The following SP140 variants were observed in gnomAD, a reference collection of about 807,000 sequenced individuals.
SP140 encodes SP140 nuclear body protein, also known as nuclear body protein SP140.
Under a neutral mutation model 125.0 loss-of-function variants are expected in SP140, and 81 were observed. The observed-to-expected ratio is 0.65, with a 90% CI of 0.54 to 0.78. SP140 has a LOEUF of 0.78. SP140 is among the 30% of genes least tolerant of loss of function. The pLI is 0.00. For synonymous variants in SP140, 312 were observed against 354.0 expected (o/e 0.88, Z 1.33); for missense variants, 858 against 1,037.0 (o/e 0.83, Z 2.37).
In SP140 at chr2:230,237,497, G is replaced by A; in HGVS notation, c.237+237G>A. On this transcript the variant is annotated intron_variant, in intron 2 of 26. Coordinates refer to ENST00000392045, the MANE Select transcript of SP140 (RefSeq NM_007237.5). This position sits in a 1 kb window ranked among gnomAD's most constrained non-coding sequence, Gnocchi z 5.4. ...GGAGAGAGAATGGGAATGCTGTATG[G>A]GTGCAGATCATCCTAGGTACTTGTA... 2 of 448,184 alleles carry A rather than the reference G, an allele frequency of 4.5e-6. No homozygotes were observed. Among genetic ancestry groups the A allele is most frequent in the Non-Finnish European group, 7.9e-6 (2 of 253,002 alleles). The allele number at this position is 448,184 out of a possible 1,614,324, so 27.8% of individuals were successfully genotyped here. A position where few individuals can be genotyped will look rare whatever the true frequency, so the allele number is the denominator to read the frequency against.
intron 7 of SP140, 80 bp downstream of exon 7, chr2:230,246,020 CCCAT>C (rs894058707): frequency 1.2e-6 from 1 of 804,112 alleles, no homozygotes; most frequent in Non-Finnish European, 2.1e-6. Flanking sequence ...TTCCCATTCC[CCCAT>C]CTATTCATGT....
chr2:230,186,986 A>G, the SP140 span, among the ~76,000 whole-genome samples: 1 of 152,212 alleles, frequency 6.6e-6, no homozygotes, highest in Admixed American at 6.5e-5. Context: ...TCTTCTTGAT[A>G]TAATGACTTA....
At chr2:230,238,167 A>G in intron 2 of SP140, 46 bp from the exon 3 acceptor site, 2 of 1,389,954 alleles carry the variant, frequency 1.4e-6, no homozygotes, top group Non-Finnish European at 2.0e-6. Flanking sequence ...GTCTTTTGTA[A>G]CCCATAAATC....
chr2:230,252,770 A>ACG (rs2050563521), intron 10 of SP140, among the ~76,000 whole-genome samples: 2 of 151,254 alleles, frequency 1.3e-5, no homozygotes, highest in African/African-American at 4.9e-5. Flanking sequence ...AAGAGTGGGC[A>ACG]CCAGTGTCCT....
At chr2:230,264,880 G>A (rs897544408) in intron 12 of SP140, among the ~76,000 whole-genome samples, 4 of 152,144 alleles carry the variant, frequency 2.6e-5, no homozygotes, top group African/African-American at 9.7e-5. Flanking sequence ...GGAGGTGAAG[G>A]GGGTGCAATG....
chr2:230,198,098 A>G, the SP140 span, among the ~76,000 whole-genome samples: 1 of 143,958 alleles, frequency 6.9e-6, no homozygotes, highest in African/African-American at 2.7e-5. Context: ...AGTTCTCTGT[A>G]GGACAATAGG....
At chr2:230,212,055 A>G (rs975893203) in intron 1 of SP140, among the ~76,000 whole-genome samples, 8 of 152,238 alleles carry the variant, frequency 5.3e-5, no homozygotes, top group Admixed American at 6.5e-5. Flanking sequence ...AAACCATATA[A>G]AAATGAAGAA....
rs149601083 is a variant in SP140, at chr2:230,287,984, A to G, written c.1720+18A>G. ...ATCAAGAGGTAAAAAAGAAAACAGGAATGAACTTTCAATAACTAAACATCT... is the reference window on the plus strand; with the variant it reads ...ATCAAGAGGTAAAAAAGAAAACAGGGATGAACTTTCAATAACTAAACATCT... On this transcript the variant is annotated intron_variant, in intron 18 of 26. Transcript: ENST00000392045. The G allele has an allele frequency of 4.9e-4, 789 of 1,597,416 alleles. 3 individuals carry two copies. The African/African-American group carries it at 9.1e-3, about 18-fold the overall frequency.
In SP140 at chr2:230,290,644, A is replaced by T. The variant is rs2057009259; in HGVS notation, c.1825+80A>T. ...AGTGGGGAATTATCATGTGAATTAC[A>T]CATCATTCAAGGAGTTTGGTCCCAG... On this transcript the variant is annotated intron_variant, in intron 19 of 26. Coordinates refer to ENST00000392045, the MANE Select transcript of SP140 (RefSeq NM_007237.5). 8 of 1,205,212 alleles carry T rather than the reference A, an allele frequency of 6.6e-6. No homozygotes were observed. In the South Asian group the frequency reaches 1.1e-4, roughly 16 times the overall value. 74.7% of individuals were successfully genotyped at this position (1,205,212 alleles called of 1,614,324 possible). A position where few individuals can be genotyped will look rare whatever the true frequency, so the allele number is the denominator to read the frequency against.
At chr2:230,193,333 C>T in the SP140 span, among the ~76,000 whole-genome samples, 3 of 152,112 alleles carry the variant, frequency 2.0e-5, no homozygotes, top group Non-Finnish European at 4.4e-5. Flanking sequence ...TTAAGTGGAG[C>T]ATTTAGGCCC....
chr2:230,260,582 G>T (rs887643011), intron 12 of SP140, among the ~76,000 whole-genome samples: 1 of 152,186 alleles, frequency 6.6e-6, no homozygotes, highest in Non-Finnish European at 1.5e-5. Flanking sequence ...TCAGGCCTTA[G>T]ATTTAAGTCC....
At chr2:230,235,394 T>C (rs1166240421) in intron 1 of SP140, among the ~76,000 whole-genome samples, 1 of 152,214 alleles carries the variant, frequency 6.6e-6, no homozygotes, top group East Asian at 1.9e-4. Flanking sequence ...TCATTGTAAC[T>C]TTAATTCCTT....
At chr2:230,270,831 C>A (rs982313455) in intron 15 of SP140, 192 bp downstream of exon 15, 17 of 645,824 alleles carry the variant, frequency 2.6e-5, no homozygotes, top group Non-Finnish European at 4.1e-5. Context: ...ACAAAAGGGA[C>A]TTTACAGATA....
At position 230,211,473 on chromosome 2, in the gene SP140, G is replaced by A; in HGVS notation, c.-322-2181G>A. The A allele has an allele frequency of 1.9e-6, 3 of 1,590,386 alleles. No individual in the cohort carries two copies. The highest frequency in any genetic ancestry group is 2.2e-5 in the South Asian group (2 of 90,560). On this transcript the variant is annotated intron_variant, in intron 1 of 4. Transcript: ENST00000456542. This position sits in a 1 kb window ranked among gnomAD's most constrained non-coding sequence, Gnocchi z 4.2. Reference sequence around the variant, plus strand: ...AGGTTGACCAAACCAAGATTACCTGGCATAGAGCCCAAGGGAGAGTGGGGC... The same window carrying A: ...AGGTTGACCAAACCAAGATTACCTGACATAGAGCCCAAGGGAGAGTGGGGC...
intron 1 of SP140, among the ~76,000 whole-genome samples, chr2:230,227,359 C>T (rs779262707): frequency 7.9e-5 from 12 of 152,144 alleles, no homozygotes; most frequent in East Asian, 7.7e-4. Flanking sequence ...GATGAGCCAG[C>T]GGAGCTCAAA....
intron 22 of SP140, among the ~76,000 whole-genome samples, chr2:230,305,959 G>A (rs1274266036): frequency 1.3e-5 from 2 of 152,350 alleles, no homozygotes; most frequent in Non-Finnish European, 2.9e-5. Flanking sequence ...AGCCAGGAGA[G>A]GGGGTGCCCC....
chr2:230,218,871 T>C (rs2045524022), intron 3 of SP140, among the ~76,000 whole-genome samples: 1 of 128,530 alleles, frequency 7.8e-6, no homozygotes, highest in South Asian at 2.8e-4. Context: ...CAGAGAGTGA[T>C]AAAAGAATAA....
chr2:230,311,772 T>C lies in SP140; in HGVS notation c.2505+177T>C, dbSNP rs184640374. On this transcript the variant is annotated intron_variant, in intron 26 of 26. Coordinates refer to ENST00000392045, the MANE Select transcript of SP140 (RefSeq NM_007237.5). ...CTCTTCTTAGCAAAGAAACAGTGAATCAAAAGGTGTCCCTGCAACCAGAAC... is the reference window on the plus strand; with the variant it reads ...CTCTTCTTAGCAAAGAAACAGTGAACCAAAAGGTGTCCCTGCAACCAGAAC... Among the ~76,000 whole-genome samples, 5 of 152,292 alleles carry C rather than the reference T, an allele frequency of 3.3e-5. No individual in the cohort carries two copies. The East Asian group carries it at 9.6e-4, about 29-fold the overall frequency.
chr2:230,251,171 A>G, intron 10 of SP140, 110 bp downstream of exon 10: 1 of 854,016 alleles, frequency 1.2e-6, no homozygotes, highest in South Asian at 1.6e-5. Context: ...CAGTGAAAGA[A>G]TGCAATTAAA....
Sources: gnomAD v4.1 joint callset for allele counts (sites outside exome capture counted in the v4.1 genomes callset) on GRCh38, gnomAD v4.1.1 for gene constraint, Gnocchi (gnomAD v3.1) non-coding constraint, MANE v1.5 for transcripts, NCBI Gene and HGNC (gene_info 2026-07-23, HGNC 2026-07-21) for gene names.